The following TMCC1 variants were observed in gnomAD, a reference collection of about 807,000 sequenced individuals.
TMCC1 encodes transmembrane and coiled-coil domain family 1, also known as transmembrane and coiled-coil domains protein 1.
In TMCC1, 15 loss-of-function variants were observed where a neutral mutation model predicts 52.4. That is an observed-to-expected ratio of 0.29 (90% CI 0.19 to 0.44). The LOEUF is 0.44. Among genes scored for constraint, TMCC1 ranks in the 20% least tolerant of loss-of-function variants. The pLI is 1.00. For synonymous variants in TMCC1, 279 were observed against 301.9 expected (o/e 0.92, Z 0.79); for missense variants, 503 against 806.0 (o/e 0.62, Z 4.55).
At chr3:129,849,809 CACAT>C (rs1273946308) in intron 2 of TMCC1, among the ~76,000 whole-genome samples, 1 of 146,030 alleles carries the variant, frequency 6.8e-6, no homozygotes, top group Non-Finnish European at 1.5e-5. Flanking sequence ...CATACACACA[CACAT>C]ACATATATAC....
intron 2 of TMCC1, among the ~76,000 whole-genome samples, chr3:129,850,014 T>C (rs1293954177): frequency 6.6e-6 from 1 of 152,156 alleles, no homozygotes; most frequent in African/African-American, 2.4e-5. Context: ...TTAGGTATCA[T>C]TTGAAAACTG....
Position 129,648,145 on chromosome 3 carries a change from T to C in TMCC1, c.*3336A>G, listed in dbSNP as rs1227292424. The C allele has an allele frequency of 2.0e-5, 3 of 152,442 alleles. No homozygotes were observed. Among genetic ancestry groups the C allele is most frequent in the African/African-American group, 7.2e-5 (3 of 41,462 alleles). 9.4% of individuals were successfully genotyped at this position (152,442 alleles called of 1,614,324 possible). ...GGGGTGTGGGAACCATAATTTTGCC[T>C]GTGTCAGATTACAATAATGTTTGGT... On this transcript the variant is annotated 3_prime_UTR_variant, in exon 7 of 7. Transcript: ENST00000393238.
At chr3:129,737,881 C>T (rs1450923466) in intron 4 of TMCC1, among the ~76,000 whole-genome samples, 2 of 152,150 alleles carry the variant, frequency 1.3e-5, no homozygotes, top group Admixed American at 6.6e-5. Flanking sequence ...AACCAAGGAT[C>T]TAAGTGCACA....
intron 4 of TMCC1, among the ~76,000 whole-genome samples, chr3:129,737,346 T>C (rs1560300145): frequency 6.6e-6 from 1 of 152,104 alleles, no homozygotes; most frequent in Admixed American, 6.5e-5. Flanking sequence ...CTGGGCGTGG[T>C]GGCACACACC....
At chr3:129,833,650 T>C (rs980234729) in intron 2 of TMCC1, among the ~76,000 whole-genome samples, 5 of 152,156 alleles carry the variant, frequency 3.3e-5, no homozygotes, top group African/African-American at 4.8e-5. Context: ...CCCAGCACTT[T>C]GGGAGGCCAA....
chr3:129,681,296 A>C (rs1576427311), intron 4 of TMCC1, among the ~76,000 whole-genome samples: 4 of 152,296 alleles, frequency 2.6e-5, no homozygotes, highest in African/African-American at 9.6e-5. Context: ...GAGGGCAGAA[A>C]AATTCTACAT....
At chr3:129,865,382 C>T (rs961564050) in intron 2 of TMCC1, among the ~76,000 whole-genome samples, 2 of 151,532 alleles carry the variant, frequency 1.3e-5, no homozygotes. Context: ...AACTCGTGGG[C>T]TCAAGTGACC....
rs958022234 is a variant in TMCC1 at position 129,816,762 on chromosome 3, G to C, written c.576+11041C>G. On this transcript the variant is annotated intron_variant, in intron 4 of 6. Transcript: ENST00000393238. ...GACAAGGCCAGGCATAATGGCTCATGCTTGTAATCCTAACACTTTAGGAGG... is the reference window on the plus strand; with the variant it reads ...GACAAGGCCAGGCATAATGGCTCATCCTTGTAATCCTAACACTTTAGGAGG... Among the ~76,000 whole-genome samples, 7 of 152,256 alleles carry C rather than the reference G, an allele frequency of 4.6e-5. No individual in the cohort carries two copies. The South Asian group carries it at 1.2e-3, about 27-fold the overall frequency.
At chr3:129,696,350 C>G (rs1412306620) in intron 4 of TMCC1, among the ~76,000 whole-genome samples, 1 of 152,226 alleles carries the variant, frequency 6.6e-6, no homozygotes, top group African/African-American at 2.4e-5. Flanking sequence ...CTGCTTCGAA[C>G]TCTCCCGTCT....
chr3:129,712,072 G>T (rs867103429), intron 4 of TMCC1, among the ~76,000 whole-genome samples: 1 of 150,788 alleles, frequency 6.6e-6, no homozygotes, highest in Non-Finnish European at 1.5e-5. Context: ...AGCTACTCAG[G>T]AGGCTGAGGC....
chr3:129,651,448 A>G lies in TMCC1; in HGVS notation c.*33T>C, dbSNP rs377119101. The G allele has an allele frequency of 5.0e-6, 8 of 1,593,732 alleles. No individual in the cohort carries two copies. The highest frequency in any genetic ancestry group is 1.7e-6 in the Non-Finnish European group (2 of 1,167,148). The stretch of plus-strand genomic sequence containing the variant: ...TAACTCTCTGCTGCATGCACTCGCC[A>G]GAGGGTAGGGAACAATGCCTTCTGT... On this transcript the variant is annotated 3_prime_UTR_variant, in exon 7 of 7. Transcript: ENST00000393238. The surrounding 1 kb of genome is among the most constrained non-coding windows in gnomAD (Gnocchi z 5.1).
intron 4 of TMCC1, among the ~76,000 whole-genome samples, chr3:129,722,790 A>G (rs1433680820): frequency 6.6e-6 from 1 of 152,210 alleles, no homozygotes; most frequent in African/African-American, 2.4e-5. Context: ...CAGAACAAAC[A>G]GAGATGTGTC....
intron 5 of TMCC1, among the ~76,000 whole-genome samples, chr3:129,668,358 T>C (rs963069670): frequency 2.6e-5 from 4 of 152,222 alleles, no homozygotes; most frequent in Non-Finnish European, 4.4e-5. Flanking sequence ...CTATGTGCTT[T>C]AACCAAATAA....
chr3:129,817,419 A>C (rs973677985), intron 4 of TMCC1, among the ~76,000 whole-genome samples: 3 of 152,158 alleles, frequency 2.0e-5, no homozygotes. Flanking sequence ...ACTGCACTCC[A>C]GCCTGAGCAA....
chr3:129,813,864 T>C (rs1363254724), intron 4 of TMCC1, among the ~76,000 whole-genome samples: 3 of 151,842 alleles, frequency 2.0e-5, no homozygotes, highest in Non-Finnish European at 4.4e-5. Flanking sequence ...CTTAAGGAAA[T>C]AGTACTTATA....
At chr3:129,714,741 C>T (rs1023995111) in intron 4 of TMCC1, among the ~76,000 whole-genome samples, 2 of 152,208 alleles carry the variant, frequency 1.3e-5, no homozygotes, top group Non-Finnish European at 2.9e-5. Flanking sequence ...TAGGCTTCTA[C>T]ACTCCTTAGA....
At chr3:129,818,483 CTT>C (rs2058231166) in intron 4 of TMCC1, among the ~76,000 whole-genome samples, 1 of 86,418 alleles carries the variant, frequency 1.2e-5, no homozygotes, top group Non-Finnish European at 2.1e-5. Context: ...TTTAAAGAAA[CTT>C]TTAAAGAAAA....
chr3:129,841,962 T>A (rs2059440015), intron 2 of TMCC1, among the ~76,000 whole-genome samples: 1 of 152,222 alleles, frequency 6.6e-6, no homozygotes, highest in Non-Finnish European at 1.5e-5. Context: ...CTCAGGTAGT[T>A]CTTTATAGCA....
intron 4 of TMCC1, among the ~76,000 whole-genome samples, chr3:129,737,938 A>AAT (rs986589697): frequency 1.3e-5 from 2 of 152,134 alleles, no homozygotes; most frequent in East Asian, 3.8e-4. Flanking sequence ...GGGCAGAAAT[A>AAT]ATATATATAA....
Sources: allele counts gnomAD v4.1 joint callset (sites outside exome capture counted in the v4.1 genomes callset), GRCh38; gene constraint gnomAD v4.1.1; non-coding constraint Gnocchi (gnomAD v3.1); transcripts MANE v1.5; gene names NCBI Gene and HGNC (gene_info 2026-07-23, HGNC 2026-07-21).